The following AGBL3 variants were observed in gnomAD, a reference collection of about 807,000 sequenced individuals.
The protein encoded by AGBL3 is AGBL carboxypeptidase 3.
AGBL3 carries 68 observed loss-of-function variants against 94.5 expected under a neutral mutation model. That is an observed-to-expected ratio of 0.72 (90% CI 0.59 to 0.88). The LOEUF (loss-of-function observed/expected upper bound fraction) is 0.88, where lower values mean the gene tolerates loss of function less well. AGBL3 is among the 40% of genes least tolerant of loss of function. AGBL3 has a pLI of 0.00. For missense variants in AGBL3, 934 were observed against 1,103.8 expected (o/e 0.85, Z 2.18); for synonymous variants, 354 against 370.7 (o/e 0.95, Z 0.52).
At chr7:135,013,667 C>T (rs1397177944) in intron 4 of AGBL3, among the ~76,000 whole-genome samples, 4 of 151,628 alleles carry the variant, frequency 2.6e-5, no homozygotes, top group African/African-American at 9.8e-5. Flanking sequence ...CAAGACACTT[C>T]CGCTGACAGT....
chr7:135,053,806 T>C (rs552163422), intron 11 of AGBL3, among the ~76,000 whole-genome samples: 1 of 152,170 alleles, frequency 6.6e-6, no homozygotes, highest in African/African-American at 2.4e-5. Context: ...AAAACATTTC[T>C]AATAAATAGG....
At chr7:134,990,888 T>C (rs1164931496) in intron 3 of AGBL3, among the ~76,000 whole-genome samples, 2 of 152,324 alleles carry the variant, frequency 1.3e-5, no homozygotes, top group East Asian at 3.9e-4. Context: ...GTCCTACTCC[T>C]GGTTTTCCAT....
At chr7:135,089,526 C>T (rs937146124) in intron 15 of AGBL3, among the ~76,000 whole-genome samples, 1 of 152,182 alleles carries the variant, frequency 6.6e-6, no homozygotes, top group Non-Finnish European at 1.5e-5. Flanking sequence ...CTTTCACCTA[C>T]AGTTGGGTTT....
chr7:135,103,978 T>C (rs947110075), intron 15 of AGBL3, among the ~76,000 whole-genome samples: 1 of 152,142 alleles, frequency 6.6e-6, no homozygotes, highest in South Asian at 2.1e-4. Flanking sequence ...GGTAAACTTA[T>C]ATAGGTAAAC....
At chr7:134,993,924 T>C (rs1046369815) in intron 4 of AGBL3, among the ~76,000 whole-genome samples, 1 of 152,252 alleles carries the variant, frequency 6.6e-6, no homozygotes, top group African/African-American at 2.4e-5. Context: ...ACATTCTTTT[T>C]GTCCAAAGTC....
intron 4 of AGBL3, chr7:134,995,119 C>G (rs939757798): frequency 2.6e-5 from 4 of 152,206 alleles, no homozygotes; most frequent in African/African-American, 9.6e-5. Flanking sequence ...CTAGCCTCCT[C>G]ATGACATATC....
chr7:135,117,571 T>C (rs1231195363), intron 16 of AGBL3, among the ~76,000 whole-genome samples: 3 of 152,134 alleles, frequency 2.0e-5, no homozygotes, highest in Non-Finnish European at 2.9e-5. Flanking sequence ...CATGTAAGAG[T>C]GTTGAGACAG....
intron 12 of AGBL3, among the ~76,000 whole-genome samples, chr7:135,068,825 C>T (rs1819610325): frequency 6.6e-6 from 1 of 152,180 alleles, no homozygotes; most frequent in South Asian, 2.1e-4. Flanking sequence ...GAAACTGCAT[C>T]AACTAACGAG....
chr7:135,064,835 C>A (rs1819141161), intron 12 of AGBL3, among the ~76,000 whole-genome samples: 1 of 152,138 alleles, frequency 6.6e-6, no homozygotes, highest in African/African-American at 2.4e-5. Context: ...TCCAAAATGG[C>A]TTAGTCAAAA....
intron 11 of AGBL3, among the ~76,000 whole-genome samples, chr7:135,058,752 C>T (rs893830326): frequency 1.3e-5 from 2 of 152,026 alleles, no homozygotes; most frequent in African/African-American, 4.8e-5. Context: ...AACATTCTTC[C>T]TCTTCTTCTT....
chr7:135,084,908 G>T (rs1285164574), intron 15 of AGBL3, among the ~76,000 whole-genome samples: 1 of 151,824 alleles, frequency 6.6e-6, no homozygotes, highest in African/African-American at 2.4e-5. Context: ...TAGTTTTCTG[G>T]GTAACCTCCA....
chr7:134,988,979 G>A (rs140113288), intron 2 of AGBL3, among the ~76,000 whole-genome samples: 2 of 147,966 alleles, frequency 1.4e-5, no homozygotes, highest in East Asian at 3.9e-4. Context: ...GGTTTATCAA[G>A]AATCTTTAAA....
intron 15 of AGBL3, among the ~76,000 whole-genome samples, chr7:135,086,744 T>C (rs1821363997): frequency 6.6e-6 from 1 of 151,994 alleles, no homozygotes. Flanking sequence ...ATTTGGTTTG[T>C]TAGTATTTTT....
intron 12 of AGBL3, among the ~76,000 whole-genome samples, chr7:135,068,469 T>A (rs1397982459): frequency 6.6e-6 from 1 of 152,036 alleles, no homozygotes; most frequent in Non-Finnish European, 1.5e-5. Context: ...GAAAAAATGT[T>A]AAGGGCAGCC....
chr7:135,104,398 A>G (rs1824330406), intron 15 of AGBL3, among the ~76,000 whole-genome samples: 1 of 152,148 alleles, frequency 6.6e-6, no homozygotes, highest in African/African-American at 2.4e-5. Flanking sequence ...ATACATATGC[A>G]TGTATTTTTA....
intron 12 of AGBL3, among the ~76,000 whole-genome samples, chr7:135,068,875 A>G (rs1444427297): frequency 1.3e-5 from 2 of 152,214 alleles, no homozygotes; most frequent in Non-Finnish European, 1.5e-5. Context: ...TCAAATTCAC[A>G]CATAACAATA....
intron 4 of AGBL3, among the ~76,000 whole-genome samples, chr7:135,016,481 AT>A (rs1461576187): frequency 2.0e-5 from 3 of 152,044 alleles, no homozygotes; most frequent in Admixed American, 6.6e-5. Flanking sequence ...CTGTGATGTC[AT>A]TTTTCCCCCA....
At chr7:135,030,875 G>A (rs1440560723) in intron 5 of AGBL3, among the ~76,000 whole-genome samples, 1 of 151,982 alleles carries the variant, frequency 6.6e-6, no homozygotes, top group Non-Finnish European at 1.5e-5. Flanking sequence ...GCAAATTATA[G>A]TTGTATATGT....
rs1183586865 is a variant in AGBL3 at position 135,129,397 on chromosome 7, A to C, written c.2343-5444A>C. On this transcript the variant is annotated intron_variant, in intron 16 of 16. Transcript: ENST00000436302. ...AAGGCCAATAAAAGACTTTTGGAAC[A>C]AAGGTATGATAAGAGGGTGATTCAG... is the stretch of plus-strand genomic sequence containing the variant. 4 of 824,844 alleles carry C rather than the reference A, an allele frequency of 4.8e-6. No individual in the cohort carries two copies. In the African/African-American group the frequency reaches 6.7e-5, roughly 14 times the overall value. The allele number at this position is 824,844 out of a possible 1,614,324, so 51.1% of individuals were successfully genotyped here.
Sources: gnomAD v4.1 joint callset for allele counts (sites outside exome capture counted in the v4.1 genomes callset) on GRCh38, gnomAD v4.1.1 for gene constraint, MANE v1.5 for transcripts, NCBI Gene and HGNC (gene_info 2026-07-23, HGNC 2026-07-21) for gene names.